C8orf74: variants seen among roughly 807,000 people sequenced by gnomAD.
The protein encoded by C8orf74 is uncharacterized protein C8orf74.
In C8orf74, 29 loss-of-function variants were observed where a neutral mutation model predicts 22.2. The observed-to-expected ratio is 1.31, with a 90% CI of 0.97 to 1.78. The LOEUF (loss-of-function observed/expected upper bound fraction) is 1.78, where lower values mean the gene tolerates loss of function less well. Among genes scored for constraint, C8orf74 ranks in the 40% most tolerant of loss-of-function variants. The pLI, the probability that C8orf74 is intolerant of heterozygous loss-of-function variation, is 0.00. For synonymous variants in C8orf74, 255 were observed against 163.1 expected (o/e 1.56, Z -4.30); for missense variants, 515 against 369.9 (o/e 1.39, Z -3.22).
chr8:10,700,348 G>A lies in C8orf74; in HGVS notation c.762G>A (p.Lys254=). ...TFAILDLKLQ[K]KTLNLNAPTP... is the part of the protein sequence containing the mutation. Reference sequence around the variant, plus strand: ...CCATCTTGGACCTGAAGCTTCAGAAGAAGACTCTGAACCTCAACGCCCCCA... The same window carrying A: ...CCATCTTGGACCTGAAGCTTCAGAAAAAGACTCTGAACCTCAACGCCCCCA... The change falls in exon 4 of 4, where the codon AAG becomes AAA. Residue 254 remains lysine, a synonymous_variant. Transcript: ENST00000304519. 1.2e-6 allele frequency: 2 copies of A among 1,613,716 alleles called. No individual in the cohort carries two copies. The highest frequency in any genetic ancestry group is 3.3e-4 in the Middle Eastern group (2 of 6,060).
intron 1 of C8orf74, among the ~76,000 whole-genome samples, chr8:10,673,906 C>A (rs1011858167): frequency 2.6e-5 from 4 of 151,628 alleles, no homozygotes; most frequent in African/African-American, 7.3e-5. Context: ...CATATCATAC[C>A]CTGCAACCTC....
intron 2 of C8orf74, among the ~76,000 whole-genome samples, chr8:10,695,747 C>T (rs1799482859): frequency 6.6e-6 from 1 of 152,142 alleles, no homozygotes. Context: ...GGTGGGGAAA[C>T]CGCATAGGGC....
chr8:10,690,907 A>G (rs1457516897), intron 2 of C8orf74: 1 of 456,110 alleles, frequency 2.2e-6, no homozygotes, highest in East Asian at 7.0e-5. Context: ...ATCTTCAGGA[A>G]GTTCCCAGCA....
At chr8:10,693,649 G>C (rs1174825492) in intron 2 of C8orf74, among the ~76,000 whole-genome samples, 1 of 152,212 alleles carries the variant, frequency 6.6e-6, no homozygotes, top group Non-Finnish European at 1.5e-5. Flanking sequence ...ACTGGAAGCT[G>C]TCTGAGGGCA....
intron 2 of C8orf74, among the ~76,000 whole-genome samples, chr8:10,690,235 G>A (rs1799346488): frequency 6.6e-6 from 1 of 152,130 alleles, no homozygotes; most frequent in South Asian, 2.1e-4. Context: ...AGAGGGGTTG[G>A]TACCTGTGCC....
At chr8:10,694,791 G>C (rs1029385851) in intron 2 of C8orf74, among the ~76,000 whole-genome samples, 2 of 152,198 alleles carry the variant, frequency 1.3e-5, no homozygotes, top group Non-Finnish European at 2.9e-5. Flanking sequence ...TGGATGGGTG[G>C]ATAGATCAAA....
Position 10,674,763 on chromosome 8 carries a change from G to C in C8orf74, c.166G>C (p.Val56Leu), listed in dbSNP as rs767874678. The change falls in exon 2 of 4, where the codon GTG becomes CTG. Residue 56 changes from valine (V) to leucine (L), a missense_variant. Physicochemically the swap from Val to Leu is conservative, Grantham distance 32. Transcript: ENST00000304519. ...DTLYESIIFA[V>L]GKGFPWVEVA... ...CCTCTACGAGAGCATCATCTTTGCAGTGGGCAAAGGCTTCCCATGGGTGGA... is the reference window on the plus strand; with the variant it reads ...CCTCTACGAGAGCATCATCTTTGCACTGGGCAAAGGCTTCCCATGGGTGGA... 3 of 1,607,148 alleles carry C rather than the reference G, an allele frequency of 1.9e-6. No homozygotes were observed. Among genetic ancestry groups the C allele is most frequent in the Non-Finnish European group, 1.7e-6 (2 of 1,176,918 alleles).
At chr8:10,699,563 G>A (rs182065205) in intron 3 of C8orf74, among the ~76,000 whole-genome samples, 4 of 152,356 alleles carry the variant, frequency 2.6e-5, no homozygotes, top group African/African-American at 4.8e-5. Flanking sequence ...ACACAGTTAC[G>A]TGGTCCATGT....
At chr8:10,674,008 A>G (rs1586026655) in intron 1 of C8orf74, among the ~76,000 whole-genome samples, 1 of 124,356 alleles carries the variant, frequency 8.0e-6, no homozygotes, top group Admixed American at 8.8e-5. Flanking sequence ...TTCACATCAT[A>G]CCCCGCAACC....
At chr8:10,698,088 C>T (rs1301091841) in intron 3 of C8orf74, 83 bp downstream of exon 3, 2 of 1,342,996 alleles carry the variant, frequency 1.5e-6, no homozygotes, top group Non-Finnish European at 2.0e-6. Context: ...CAGATGGGAG[C>T]TCCTCAGTGG....
intron 2 of C8orf74, among the ~76,000 whole-genome samples, chr8:10,685,994 G>A (rs563356044): frequency 1.7e-4 from 26 of 152,266 alleles, no homozygotes; most frequent in East Asian, 1.2e-3. Flanking sequence ...ACTTGAGCCC[G>A]GGAGGTGGAG....
intron 2 of C8orf74, among the ~76,000 whole-genome samples, chr8:10,687,615 C>CA (rs374455264): frequency 0.15 from 8,043 of 52,032 alleles, 1,290 homozygotes; most frequent in African/African-American, 0.42. Flanking sequence ...GACTCCATCT[C>CA]AAAAAAAAAA....
chr8:10,699,951 A>G (rs75426730), intron 3 of C8orf74, among the ~76,000 whole-genome samples: 17,214 of 152,248 alleles, frequency 0.11, 2,709 homozygotes, highest in African/African-American at 0.35. Context: ...AGCTTTAGTT[A>G]TAGGCAAGGG....
At chr8:10,689,205 A>T (rs1165318578) in intron 2 of C8orf74, 2 of 152,216 alleles carry the variant, frequency 1.3e-5, no homozygotes, top group Non-Finnish European at 2.9e-5. Context: ...CCGACCCCTC[A>T]CACCTGGGCT....
chr8:10,698,759 G>A (rs1419440857), intron 3 of C8orf74, among the ~76,000 whole-genome samples: 2 of 152,042 alleles, frequency 1.3e-5, no homozygotes, highest in Admixed American at 6.5e-5. Context: ...ATTTGCATGT[G>A]CGTGTGTATG....
chr8:10,673,456 T>G (rs758037761), intron 1 of C8orf74: 6 of 152,182 alleles, frequency 3.9e-5, no homozygotes, highest in Non-Finnish European at 7.3e-5. Flanking sequence ...TTCCTTCTGC[T>G]AAAGCATTAC....
rs1407349631 is a variant in C8orf74, at chr8:10,697,960, C to T, written c.603C>T (p.Phe201=). The T allele has an allele frequency of 5.2e-6, 8 of 1,535,674 alleles. No homozygotes were observed. In the South Asian group the frequency reaches 6.1e-5, roughly 12 times the overall value. The change falls in exon 3 of 4, where the codon TTC becomes TTT. Residue 201 remains phenylalanine (F), a synonymous_variant. Transcript: ENST00000304519. ...GGGAGAACTCGCTGCAGAAGGCGTT[C>T]GCTGCCGCCGCGCCTGCGCAGCCCG... is the stretch of plus-strand genomic sequence containing the variant. ...LERENSLQKA[F]AAAAPAQPGQ... is the part of the protein sequence containing the mutation.
chr8:10,677,981 C>G (rs1201294872), intron 2 of C8orf74, among the ~76,000 whole-genome samples: 1 of 152,234 alleles, frequency 6.6e-6, no homozygotes, highest in Admixed American at 6.5e-5. Context: ...TTTCCTTCCT[C>G]CTGAAATCTG....
At chr8:10,696,973 A>G (rs1430357975) in intron 2 of C8orf74, among the ~76,000 whole-genome samples, 1 of 151,762 alleles carries the variant, frequency 6.6e-6, no homozygotes, top group East Asian at 1.9e-4. Flanking sequence ...AAAAAAAAAA[A>G]GACAAAATAC....
Sources: gnomAD v4.1 joint callset for allele counts (sites outside exome capture counted in the v4.1 genomes callset) on GRCh38, gnomAD v4.1.1 for gene constraint, MANE v1.5 for transcripts, NCBI Gene and HGNC (gene_info 2026-07-23, HGNC 2026-07-21) for gene names.